ERC2: variants seen among roughly 807,000 people sequenced by gnomAD.
ERC2 encodes the protein ELKS/RAB6-interacting/CAST family member 2, also known as ERC protein 2.
In ERC2, 42 loss-of-function variants were observed where a neutral mutation model predicts 114.8. The observed-to-expected ratio is 0.37, with a 90% CI of 0.29 to 0.47. The LOEUF is 0.47. Among genes scored for constraint, ERC2 ranks in the 20% least tolerant of loss-of-function variants. The pLI, the probability that ERC2 is intolerant of heterozygous loss-of-function variation, is 0.99. For missense variants in ERC2, 939 were observed against 1,150.7 expected (o/e 0.82, Z 2.66); for synonymous variants, 454 against 425.5 (o/e 1.07, Z -0.82).
At chr3:55,831,234 C>A (rs78559335) in intron 14 of ERC2, among the ~76,000 whole-genome samples, 4,155 of 149,702 alleles carry the variant, frequency 0.028, 136 homozygotes, top group Non-Finnish European at 0.036. Flanking sequence ...ACTGGTCAAG[C>A]CCAGAAGTGT....
intron 6 of ERC2, among the ~76,000 whole-genome samples, chr3:56,110,245 C>T (rs980332861): frequency 1.1e-4 from 16 of 152,130 alleles, no homozygotes; most frequent in Admixed American, 8.5e-4. Flanking sequence ...AATAGGTACA[C>T]GAGCACCTTT....
At chr3:56,283,671 C>A (rs76004124) in intron 3 of ERC2, among the ~76,000 whole-genome samples, 1,999 of 152,264 alleles carry the variant, frequency 0.013, 38 homozygotes, top group African/African-American at 0.044. Flanking sequence ...TACTTTCTAG[C>A]ACACTAAAAA....
chr3:55,797,345 C>T (rs2070598522), intron 14 of ERC2, among the ~76,000 whole-genome samples: 1 of 152,186 alleles, frequency 6.6e-6, no homozygotes, highest in South Asian at 2.1e-4. Context: ...GTCATTTGTA[C>T]AACCGAGAGA....
intron 2 of ERC2, among the ~76,000 whole-genome samples, chr3:56,327,399 T>C (rs959861050): frequency 4.6e-5 from 7 of 152,176 alleles, no homozygotes; most frequent in Admixed American, 3.3e-4. Context: ...CATGATTCAA[T>C]TACCTCCATC....
intron 3 of ERC2, among the ~76,000 whole-genome samples, chr3:56,233,047 T>C (rs1246192316): frequency 2.0e-5 from 3 of 152,214 alleles, no homozygotes; most frequent in South Asian, 2.1e-4. Context: ...AATACTTGTT[T>C]ATCTGGTTGT....
chr3:55,748,842 G>A (rs1030007610), intron 14 of ERC2, among the ~76,000 whole-genome samples: 1 of 152,116 alleles, frequency 6.6e-6, no homozygotes, highest in Non-Finnish European at 1.5e-5. Context: ...ATAATACGAA[G>A]TTCAAGTTCA....
At chr3:56,017,217 A>G (rs1380510616) in intron 8 of ERC2, among the ~76,000 whole-genome samples, 4 of 152,130 alleles carry the variant, frequency 2.6e-5, no homozygotes, top group African/African-American at 9.7e-5. Context: ...TTTGACATTC[A>G]GGAAGTGTTG....
intron 7 of ERC2, among the ~76,000 whole-genome samples, chr3:56,032,933 A>AAC (rs1553781954): frequency 1.8e-4 from 18 of 98,650 alleles, no homozygotes; most frequent in Admixed American, 3.6e-4. Flanking sequence ...GAAAGAAAGA[A>AAC]AGAAAGAAAG....
chr3:56,184,548 G>A (rs1489929069), intron 3 of ERC2, among the ~76,000 whole-genome samples: 5 of 152,060 alleles, frequency 3.3e-5, no homozygotes, highest in African/African-American at 4.8e-5. Context: ...AGGACTTACC[G>A]CCCCATGGAA....
intron 17 of ERC2, among the ~76,000 whole-genome samples, chr3:55,669,923 A>C (rs1394806066): frequency 1.3e-5 from 2 of 152,242 alleles, no homozygotes; most frequent in African/African-American, 4.8e-5. Context: ...ATACTTGATA[A>C]ATAATTACAG....
intron 3 of ERC2, among the ~76,000 whole-genome samples, chr3:56,267,247 C>T (rs1391928814): frequency 6.6e-6 from 1 of 152,086 alleles, no homozygotes; most frequent in Non-Finnish European, 1.5e-5. Context: ...GATACTCAAC[C>T]TGTATACACA....
At chr3:55,577,265 G>GAA (rs34139635) in intron 17 of ERC2, among the ~76,000 whole-genome samples, 6 of 144,630 alleles carry the variant, frequency 4.1e-5, no homozygotes, top group South Asian at 2.2e-4. Context: ...CCTTCCCTAG[G>GAA]AAAAAAAAAG....
At chr3:55,959,627 C>T (rs1452377402) in intron 12 of ERC2, among the ~76,000 whole-genome samples, 1 of 152,196 alleles carries the variant, frequency 6.6e-6, no homozygotes, top group African/African-American at 2.4e-5. Flanking sequence ...GTCAGGGCCA[C>T]GTGATTAACT....
At chr3:55,572,150 C>T (rs953125463) in intron 17 of ERC2, among the ~76,000 whole-genome samples, 9 of 152,190 alleles carry the variant, frequency 5.9e-5, no homozygotes, top group South Asian at 2.1e-4. Context: ...TTCCAGCTAG[C>T]GAGGAAAACA....
intron 3 of ERC2, among the ~76,000 whole-genome samples, chr3:56,286,952 T>C (rs6781527): frequency 0.019 from 2,833 of 152,350 alleles, 95 homozygotes; most frequent in African/African-American, 0.062. Flanking sequence ...ATTTAATTCA[T>C]TCTTATATGT....
intron 13 of ERC2, among the ~76,000 whole-genome samples, chr3:55,897,664 G>T (rs543162507): frequency 6.6e-6 from 1 of 152,144 alleles, no homozygotes; most frequent in Non-Finnish European, 1.5e-5. Flanking sequence ...TAAACCCCCC[G>T]TCAGCAGCAG....
chr3:56,365,437 T>G (rs2059113476), intron 2 of ERC2, among the ~76,000 whole-genome samples: 1 of 152,218 alleles, frequency 6.6e-6, no homozygotes, highest in Non-Finnish European at 1.5e-5. Context: ...GTAAGTACAC[T>G]CGACAACGTT....
chr3:55,649,897 C>G (rs1230231751), intron 17 of ERC2, among the ~76,000 whole-genome samples: 1 of 152,164 alleles, frequency 6.6e-6, no homozygotes, highest in Non-Finnish European at 1.5e-5. Flanking sequence ...TGATGGGGAA[C>G]GGATTTTTAA....
At chr3:55,733,542 T>TCACTCACA (rs1553646096) in intron 15 of ERC2, among the ~76,000 whole-genome samples, 6 of 107,888 alleles carry the variant, frequency 5.6e-5, no homozygotes, top group Admixed American at 4.8e-4. Context: ...TCTCTCTCTC[T>TCACTCACA]CACACACACA....
Sources: allele counts gnomAD v4.1 joint callset (sites outside exome capture counted in the v4.1 genomes callset), GRCh38; gene constraint gnomAD v4.1.1; transcripts MANE v1.5; gene names NCBI Gene and HGNC (gene_info 2026-07-23, HGNC 2026-07-21).